Variants in KCNK10 observed in about 807,000 individuals in gnomAD.
The protein encoded by KCNK10 is potassium two pore domain channel subfamily K member 10.
A neutral mutation model predicts 47.7 loss-of-function variants in KCNK10; 25 were observed. That is an observed-to-expected ratio of 0.52 (90% CI 0.38 to 0.73). The LOEUF (loss-of-function observed/expected upper bound fraction) is 0.73. Among genes scored for constraint, KCNK10 ranks in the 30% least tolerant of loss-of-function variants. The pLI is 0.00. For missense variants in KCNK10, 563 were observed against 714.5 expected (o/e 0.79, Z 2.42); for synonymous variants, 303 against 285.6 (o/e 1.06, Z -0.61).
chr14:88,246,644 C>T (rs1028493859), intron 2 of KCNK10, among the ~76,000 whole-genome samples: 5 of 152,172 alleles, frequency 3.3e-5, no homozygotes, highest in Non-Finnish European at 5.9e-5. Flanking sequence ...TGGGGCCACA[C>T]CCAGTGAGGC....
chr14:88,220,243 C>T (rs1389336358), intron 4 of KCNK10, among the ~76,000 whole-genome samples: 1 of 150,806 alleles, frequency 6.6e-6, no homozygotes, highest in Non-Finnish European at 1.5e-5. Context: ...CGGTGAAACC[C>T]CGTCTCTACT....
chr14:88,213,682 C>T (rs1457435503), intron 4 of KCNK10, among the ~76,000 whole-genome samples: 1 of 151,972 alleles, frequency 6.6e-6, no homozygotes, highest in Non-Finnish European at 1.5e-5. Flanking sequence ...ATAATGAATA[C>T]CCATAAAATT....
intron 1 of KCNK10, among the ~76,000 whole-genome samples, chr14:88,275,572 G>A (rs1887508926): frequency 6.6e-6 from 1 of 151,968 alleles, no homozygotes; most frequent in South Asian, 2.1e-4. Flanking sequence ...AGGATGGCCA[G>A]GCGCAGTGGC....
At chr14:88,294,248 A>C (rs1887939681) in intron 1 of KCNK10, among the ~76,000 whole-genome samples, 1 of 152,214 alleles carries the variant, frequency 6.6e-6, no homozygotes, top group Non-Finnish European at 1.5e-5. Flanking sequence ...TCAGGACCAA[A>C]AAGATGCCAT....
chr14:88,247,845 C>T lies in KCNK10; in HGVS notation c.403-7025G>A, dbSNP rs1886688539. Among the ~76,000 whole-genome samples, 5 of 152,310 alleles carry T rather than the reference C, an allele frequency of 3.3e-5. No homozygotes were observed. The South Asian group carries it at 1.0e-3, about 32-fold the overall frequency. On this transcript the variant is annotated intron_variant, in intron 2 of 6. Coordinates refer to ENST00000319231, the MANE Select transcript of KCNK10 (RefSeq NM_138317.3). ...TGAGACCAGGCCATATTTGGGGGCA[C>T]TCTTGTAGCTTCCAAATTGTGCCTT...
chr14:88,211,595 T>C (rs1240781833), intron 4 of KCNK10, among the ~76,000 whole-genome samples: 1 of 152,020 alleles, frequency 6.6e-6, no homozygotes, highest in African/African-American at 2.4e-5. Context: ...TGGGAGTAAC[T>C]TAGAGGAAAA....
At chr14:88,256,895 C>T (rs1886972597) in intron 2 of KCNK10, among the ~76,000 whole-genome samples, 1 of 152,090 alleles carries the variant, frequency 6.6e-6, no homozygotes, top group African/African-American at 2.4e-5. Context: ...CAGGTAGACA[C>T]CGTGATCGCA....
At chr14:88,211,211 T>A (rs905417852) in intron 4 of KCNK10, among the ~76,000 whole-genome samples, 1 of 152,194 alleles carries the variant, frequency 6.6e-6, no homozygotes, top group Non-Finnish European at 1.5e-5. Context: ...GCAATATTCA[T>A]GAAGCCTTAA....
intron 2 of KCNK10, among the ~76,000 whole-genome samples, chr14:88,244,012 G>A (rs1194435004): frequency 1.3e-5 from 2 of 152,046 alleles, no homozygotes; most frequent in Non-Finnish European, 2.9e-5. Context: ...TAGGGCCACT[G>A]ATGATCTGAA....
intron 4 of KCNK10, among the ~76,000 whole-genome samples, chr14:88,211,894 C>CAAA (rs59401189): frequency 5.0e-4 from 57 of 113,710 alleles, no homozygotes; most frequent in African/African-American, 1.9e-3. Context: ...GACTTCATCT[C>CAAA]AAAAAAAAAA....
intron 3 of KCNK10, among the ~76,000 whole-genome samples, chr14:88,238,398 C>T (rs1452993261): frequency 6.6e-6 from 1 of 152,206 alleles, no homozygotes; most frequent in Non-Finnish European, 1.5e-5. Context: ...TGGCCAGGAA[C>T]AGTGGCTCAT....
chr14:88,229,191 G>A (rs758512130), intron 3 of KCNK10, among the ~76,000 whole-genome samples: 8 of 152,138 alleles, frequency 5.3e-5, no homozygotes, highest in Non-Finnish European at 8.8e-5. Context: ...TGGAGGCTTG[G>A]AACTGGATGA....
chr14:88,283,805 T>A (rs1887704890), intron 1 of KCNK10, among the ~76,000 whole-genome samples: 1 of 151,958 alleles, frequency 6.6e-6, no homozygotes, highest in Admixed American at 6.6e-5. Context: ...TCCCAGCTAC[T>A]CAGGAGGCTG....
At chr14:88,230,753 G>A (rs1164128292) in intron 3 of KCNK10, among the ~76,000 whole-genome samples, 1 of 152,176 alleles carries the variant, frequency 6.6e-6, no homozygotes, top group Non-Finnish European at 1.5e-5. Flanking sequence ...GCTGGTCCTG[G>A]TGAATCTAGC....
At chr14:88,316,297 C>T (rs1888429148) in intron 1 of KCNK10, among the ~76,000 whole-genome samples, 1 of 152,014 alleles carries the variant, frequency 6.6e-6, no homozygotes, top group Non-Finnish European at 1.5e-5. Context: ...ATTCAGAGTA[C>T]TCAGTCCTAG....
chr14:88,263,246 C>A lies in KCNK10; in HGVS notation c.358G>T (p.Asp120Tyr). 1 of 1,614,186 alleles carries A rather than the reference C, an allele frequency of 6.2e-7. No individual in the cohort carries two copies. The highest frequency in any genetic ancestry group is 8.5e-7 in the Non-Finnish European group (1 of 1,180,042). Residue 120 changes from aspartate (D) to tyrosine (Y), a missense_variant, in exon 2 of 7, where the codon GAT becomes TAT. Asp to Tyr is a radical substitution (Grantham distance 160, BLOSUM62 -3). Coordinates refer to ENST00000319231, the MANE Select transcript of KCNK10 (RefSeq NM_138317.3). ...TCCTGGGGGCTCACACAGACATGAT[C>A]CCGCAGGAATTCCGCCTTCTCCAAG... ...IALEKAEFLRDHVCVSPQELE... is the reference protein window; with the variant it reads ...IALEKAEFLRYHVCVSPQELE...
intron 3 of KCNK10, among the ~76,000 whole-genome samples, chr14:88,231,916 A>G (rs540591769): frequency 6.6e-6 from 1 of 152,362 alleles, no homozygotes; most frequent in Non-Finnish European, 1.5e-5. Context: ...GCTTTTCAGA[A>G]AAGATTCTAT....
At position 88,260,480 on chromosome 14, in the gene KCNK10, C is replaced by G. The variant is rs942335303; in HGVS notation, c.402+2722G>C. On this transcript the variant is annotated intron_variant, in intron 2 of 6. Coordinates refer to ENST00000319231, the MANE Select transcript of KCNK10 (RefSeq NM_138317.3). This position sits in a 1 kb window ranked among gnomAD's most constrained non-coding sequence, Gnocchi z 4.5. ...TTATAGTGAGAATGGACTAATACAG[C>G]ATTCAACATAAAGCACAAGTTTAAA... Among the ~76,000 whole-genome samples, 1 of 152,170 alleles carries G rather than the reference C, an allele frequency of 6.6e-6. No individual in the cohort carries two copies. Among genetic ancestry groups the G allele is most frequent in the Non-Finnish European group, 1.5e-5 (1 of 68,032 alleles).
chr14:88,206,970 A>C (rs1372649687), intron 4 of KCNK10, among the ~76,000 whole-genome samples: 1 of 152,206 alleles, frequency 6.6e-6, no homozygotes, highest in Non-Finnish European at 1.5e-5. Flanking sequence ...ATAAGTCTGT[A>C]GAATTACACT....
Sources: gnomAD v4.1 joint callset for allele counts (sites outside exome capture counted in the v4.1 genomes callset) on GRCh38, gnomAD v4.1.1 for gene constraint, Gnocchi (gnomAD v3.1) non-coding constraint, MANE v1.5 for transcripts, NCBI Gene and HGNC (gene_info 2026-07-23, HGNC 2026-07-21) for gene names.